Variants in NPIPB11 observed in about 807,000 individuals in gnomAD.
NPIPB11 encodes the protein nuclear pore complex interacting protein family member B11, also known as nuclear pore complex-interacting protein family member B11.
In NPIPB11, 17 loss-of-function variants were observed where a neutral mutation model predicts 32.8. The observed-to-expected ratio is 0.52, with a 90% CI of 0.35 to 0.78. NPIPB11 has a LOEUF of 0.78. Ranked by LOEUF, NPIPB11 falls within the 30% of genes least tolerant of loss-of-function variation. NPIPB11 has a pLI of 0.01. For missense variants in NPIPB11, 537 were observed against 1,000.4 expected (o/e 0.54, Z 6.25); for synonymous variants, 209 against 398.4 (o/e 0.52, Z 5.66).
intron 2 of NPIPB11, among the ~76,000 whole-genome samples, chr16:29,398,062 G>T (rs1963906048): frequency 1.3e-5 from 1 of 76,466 alleles, no homozygotes; most frequent in Non-Finnish European, 2.4e-5. Context: ...CAAACCTGGG[G>T]CTTTATACTC....
upstream of NPIPB11, among the ~76,000 whole-genome samples, chr16:29,406,253 T>C (rs1231075346): frequency 6.6e-6 from 1 of 152,280 alleles, no homozygotes; most frequent in African/African-American, 2.4e-5. Flanking sequence ...GTGGCGATAC[T>C]GCATGGGAGG....
upstream of NPIPB11, among the ~76,000 whole-genome samples, chr16:29,404,771 G>A (rs1964075648): frequency 6.8e-6 from 1 of 148,110 alleles, no homozygotes; most frequent in Admixed American, 6.8e-5. Context: ...TGATGCCAGG[G>A]CAGTGGTCAC....
At chr16:29,394,011 A>T in exon 3 of NPIPB11, 1 of 1,599,532 alleles carries the variant, frequency 6.3e-7, no homozygotes. Flanking sequence ...CAATAATAAT[A>T]TGTAACCAAG....
intron 3 of NPIPB11, among the ~76,000 whole-genome samples, chr16:29,391,265 C>CAA (rs1182475033): frequency 3.5e-5 from 3 of 85,368 alleles, no homozygotes; most frequent in African/African-American, 1.5e-4. Flanking sequence ...GACTCCGTCT[C>CAA]AAAAAAAAAA....
intron 2 of NPIPB11, among the ~76,000 whole-genome samples, chr16:29,400,901 C>T (rs1282830531): frequency 6.6e-6 from 1 of 152,016 alleles, no homozygotes; most frequent in African/African-American, 2.4e-5. Context: ...GACCACTACC[C>T]CCACTACCCC....
At chr16:29,390,997 G>T (rs1391463559) in intron 3 of NPIPB11, among the ~76,000 whole-genome samples, 1 of 150,304 alleles carries the variant, frequency 6.7e-6, no homozygotes, top group African/African-American at 2.5e-5. Context: ...GGCCACCTGC[G>T]GTAGCTCATG....
At chr16:29,399,979 A>T (rs2142137451) in intron 2 of NPIPB11, among the ~76,000 whole-genome samples, 1 of 151,920 alleles carries the variant, frequency 6.6e-6, no homozygotes, top group Middle Eastern at 3.4e-3. Flanking sequence ...CAGGAGACTG[A>T]GGCAGGACAA....
At chr16:29,394,192 G>C in intron 2 of NPIPB11, 116 bp from the exon 3 acceptor site, 1 of 1,129,246 alleles carries the variant, frequency 8.9e-7, no homozygotes, top group Non-Finnish European at 1.3e-6. Flanking sequence ...ACATCCCTCA[G>C]ATATCACCGT....
At chr16:29,406,117 T>G (rs1256379701), upstream of NPIPB11, among the ~76,000 whole-genome samples, 1 of 152,282 alleles carries the variant, frequency 6.6e-6, no homozygotes, top group Non-Finnish European at 1.5e-5. Context: ...CTTTTTGGCT[T>G]AAAACTAACT....
intron 2 of NPIPB11, among the ~76,000 whole-genome samples, chr16:29,399,126 G>A: frequency 1.3e-5 from 2 of 151,630 alleles, no homozygotes; most frequent in Non-Finnish European, 2.9e-5. Context: ...AAGCAGGTGG[G>A]CAGGACCCAG....
intron 2 of NPIPB11, among the ~76,000 whole-genome samples, chr16:29,401,655 TGGATGTACCCATG>T (rs1963994110): frequency 3.3e-5 from 5 of 152,170 alleles, no homozygotes; most frequent in African/African-American, 1.2e-4. Context: ...CACTTGAAAG[TGGATGTACCCATG>T]GGATTTGCTT....
At position 29,382,331 on chromosome 16, in the gene NPIPB11, G is replaced by C. The variant is rs751377351; in HGVS notation, c.2601C>G (p.His867Gln). 2.2e-5 allele frequency: 33 copies of C among 1,502,900 alleles called. No individual in the cohort carries two copies. In the East Asian group the frequency reaches 7.9e-4, roughly 36 times the overall value. The allele number at this position is 1,502,900 out of a possible 1,614,324, so 93.1% of individuals were successfully genotyped here. The change falls in exon 8 of 8, where the codon CAC becomes CAG. Residue 867 changes from histidine (H) to glutamine (Q), a missense_variant. Coordinates refer to ENST00000524087, the Ensembl canonical transcript of NPIPB11. ...GTCTTGATATTATCATCTGCTGAGG[G>C]TGGAGCTGAGGGTGGAAGGGGAGTG...
intron 2 of NPIPB11, among the ~76,000 whole-genome samples, chr16:29,400,954 C>T (rs545365189): frequency 6.6e-5 from 10 of 152,184 alleles, no homozygotes; most frequent in Non-Finnish European, 1.2e-4. Context: ...CCTCATGCTC[C>T]GGCAGGGTAC....
chr16:29,399,408 A>C (rs1184137632), intron 2 of NPIPB11, among the ~76,000 whole-genome samples: 2 of 149,632 alleles, frequency 1.3e-5, no homozygotes, highest in Non-Finnish European at 1.5e-5. Flanking sequence ...AGCAAAACAA[A>C]AACAAAACAG....
At chr16:29,402,722 CTCTGTG>C (rs1383120713) in intron 2 of NPIPB11, among the ~76,000 whole-genome samples, 8 of 113,810 alleles carry the variant, frequency 7.0e-5, no homozygotes, top group Admixed American at 1.8e-4. Context: ...CTCTCTCTCT[CTCTGTG>C]TGTGTGTGTG....
Position 29,383,755 on chromosome 16 carries a change from A to T in NPIPB11, c.1177T>A (p.Ser393Thr), listed in dbSNP as rs1478663663. ...GGAAGGGGAGTGAGCTGACGCTCAG[A>T]AGGTGTCTTGAGATTATCATCCGCT... The change falls in exon 8 of 8, where the codon TCT (serine) becomes ACT (threonine). Residue 393 changes from serine to threonine, a missense_variant. Coordinates refer to ENST00000524087, the Ensembl canonical transcript of NPIPB11. The T allele has an allele frequency of 2.8e-5, 22 of 786,906 alleles. 3 individuals carry two copies. The highest frequency in any genetic ancestry group is 3.6e-5 in the Non-Finnish European group (21 of 580,198). The allele number at this position is 786,906 out of a possible 1,614,324, so 48.7% of individuals were successfully genotyped here.
Position 29,389,930 on chromosome 16 carries a change from G to A in NPIPB11, c.545+11C>T. On this transcript the variant is annotated intron_variant, in intron 5 of 7. Coordinates refer to ENST00000524087, the Ensembl canonical transcript of NPIPB11. Reference sequence around the variant, plus strand: ...TTCCTACAACAGTATTTGTGTCAAGGCACATCTTACTGTTTTCTGGCGGTC... The same window carrying A: ...TTCCTACAACAGTATTTGTGTCAAGACACATCTTACTGTTTTCTGGCGGTC... The A allele has an allele frequency of 2.5e-6, 4 of 1,589,192 alleles. No homozygotes were observed. Among genetic ancestry groups the A allele is most frequent in the Non-Finnish European group, 3.4e-6 (4 of 1,173,720 alleles).
At chr16:29,389,814 A>C (rs1963668096) in intron 5 of NPIPB11, 127 bp downstream of exon 5, 1 of 1,500,954 alleles carries the variant, frequency 6.7e-7, no homozygotes, top group Non-Finnish European at 8.9e-7. Flanking sequence ...CAGAAAGGAC[A>C]AACTCAATTT....
At chr16:29,406,703 G>C (rs1159616365), upstream of NPIPB11, among the ~76,000 whole-genome samples, 2 of 149,126 alleles carry the variant, frequency 1.3e-5, no homozygotes, top group Admixed American at 1.3e-4. Flanking sequence ...GACAGAGGTA[G>C]AATCTAACTA....
Sources: allele counts gnomAD v4.1 joint callset (sites outside exome capture counted in the v4.1 genomes callset), GRCh38; gene constraint gnomAD v4.1.1; transcripts MANE v1.5; gene names NCBI Gene and HGNC (gene_info 2026-07-23, HGNC 2026-07-21).